ANKRD18B: variants seen among roughly 807,000 people sequenced by gnomAD.
The protein encoded by ANKRD18B is ankyrin repeat domain-containing protein 18B.
ANKRD18B carries 75 observed loss-of-function variants against 111.8 expected under a neutral mutation model. The ratio of observed to expected loss-of-function variants is 0.67; its 90% CI spans 0.56 to 0.81. The LOEUF is 0.81. Among genes scored for constraint, ANKRD18B ranks in the 40% least tolerant of loss-of-function variants. ANKRD18B has a pLI of 0.00. For synonymous variants in ANKRD18B, 356 were observed against 417.3 expected (o/e 0.85, Z 1.79); for missense variants, 1,038 against 1,225.5 (o/e 0.85, Z 2.28).
rs536666500 is a variant in ANKRD18B at position 33,557,948 on chromosome 9, T to C, written c.2331-110T>C. The stretch of plus-strand genomic sequence containing the variant: ...TGTTCAGTTGAAACTGAGAGGATCA[T>C]AGTTTATAGATTTGTTTCTTTGATA... On this transcript the variant is annotated intron_variant, in intron 13 of 18. Transcript: ENST00000684830. 100 of 1,010,546 alleles carry C rather than the reference T, an allele frequency of 9.9e-5. 1 individual carries two copies. The highest frequency in any genetic ancestry group is 1.1e-4 in the Non-Finnish European group (80 of 708,428). The allele number at this position is 1,010,546 out of a possible 1,614,324, so 62.6% of individuals were successfully genotyped here.
In ANKRD18B at chr9:33,524,426, G is replaced by C; in HGVS notation, c.-64G>C. The C allele has an allele frequency of 6.8e-7, 1 of 1,473,342 alleles. No homozygotes were observed. The highest frequency in any genetic ancestry group is 1.4e-5 in the South Asian group (1 of 71,488). 91.3% of individuals were successfully genotyped at this position (1,473,342 alleles called of 1,614,324 possible). A position where few individuals can be genotyped will look rare whatever the true frequency, so the allele number is the denominator to read the frequency against. On this transcript the variant is annotated 5_prime_UTR_variant, in exon 1 of 19. Transcript: ENST00000684830. ...CTCGAATTTGGAGCTGGGTGGGGGT[G>C]GAAAGGCCACGAGGAGCCGCGGCGT...
intron 12 of ANKRD18B, among the ~76,000 whole-genome samples, chr9:33,553,649 T>C (rs145163023): frequency 0.064 from 9,749 of 152,170 alleles, 382 homozygotes; most frequent in South Asian, 0.11. Flanking sequence ...CCCAATGACA[T>C]AGTTGAGTGT....
At position 33,528,772 on chromosome 9, in the gene ANKRD18B, C is replaced by A; in HGVS notation, c.252C>A (p.Val84=). ...GTGCCCATGGCCGTGTGCAAGTGGT[C>A]ACTCTCTTGCTGGACAGAAAATGCC... is the stretch of plus-strand genomic sequence containing the variant. ...LACAHGRVQV[V]TLLLDRKCQI... The change falls in exon 2 of 19, where the codon GTC becomes GTA. Residue 84 remains valine (V), a synonymous_variant. Coordinates refer to ENST00000684830, the MANE Select transcript of ANKRD18B (RefSeq NM_001393611.1). The A allele has an allele frequency of 2.5e-6, 4 of 1,613,374 alleles. No individual in the cohort carries two copies. The highest frequency in any genetic ancestry group is 8.5e-7 in the Non-Finnish European group (1 of 1,179,680).
At position 33,572,615 on chromosome 9, in the gene ANKRD18B, C is replaced by T. The variant is rs1340356917; in HGVS notation, c.*181C>T. On this transcript the variant is annotated 3_prime_UTR_variant, in exon 19 of 19. Transcript: ENST00000684830. Reference sequence around the variant, plus strand: ...GTTTTAAGTGGATCTTGCAAATGAACACCAGTGTTATTGAGTTTGACCTAC... The same window carrying T: ...GTTTTAAGTGGATCTTGCAAATGAATACCAGTGTTATTGAGTTTGACCTAC... The T allele has an allele frequency of 3.2e-6, 4 of 1,237,492 alleles. No homozygotes were observed. The highest frequency in any genetic ancestry group is 4.0e-6 in the Non-Finnish European group (4 of 987,702). 76.7% of individuals were successfully genotyped at this position (1,237,492 alleles called of 1,614,324 possible).
At chr9:33,547,310 T>C (rs1828371392) in intron 10 of ANKRD18B, among the ~76,000 whole-genome samples, 1 of 152,168 alleles carries the variant, frequency 6.6e-6, no homozygotes, top group South Asian at 2.1e-4. Context: ...TTAACCTGTC[T>C]TTTTTAAGGA....
At chr9:33,526,079 G>A (rs1031010914) in intron 1 of ANKRD18B, among the ~76,000 whole-genome samples, 1 of 152,158 alleles carries the variant, frequency 6.6e-6, no homozygotes, top group African/African-American at 2.4e-5. Context: ...AGAGGAATGA[G>A]ACTGTTTTCT....
intron 3 of ANKRD18B, among the ~76,000 whole-genome samples, chr9:33,532,665 A>G (rs1489324363): frequency 6.6e-6 from 1 of 152,192 alleles, no homozygotes; most frequent in Non-Finnish European, 1.5e-5. Flanking sequence ...TTCAGAGCTC[A>G]TTTCCTTAGT....
intron 17 of ANKRD18B, among the ~76,000 whole-genome samples, chr9:33,570,466 A>G (rs2118147792): frequency 6.6e-6 from 1 of 151,812 alleles, no homozygotes; most frequent in Non-Finnish European, 1.5e-5. Context: ...GAAAAAAAAA[A>G]AGAAAACTTT....
intron 17 of ANKRD18B, among the ~76,000 whole-genome samples, chr9:33,570,330 C>A (rs1828751260): frequency 6.6e-6 from 1 of 152,110 alleles, no homozygotes; most frequent in Non-Finnish European, 1.5e-5. Flanking sequence ...GGTTGAAAAA[C>A]TGCTTCTTGG....
chr9:33,527,926 T>C (rs1411912054), intron 1 of ANKRD18B, among the ~76,000 whole-genome samples: 1 of 152,198 alleles, frequency 6.6e-6, no homozygotes, highest in Non-Finnish European at 1.5e-5. Flanking sequence ...TGTGACCTAA[T>C]CTTTAAATCA....
intron 3 of ANKRD18B, among the ~76,000 whole-genome samples, chr9:33,529,638 T>G (rs947583426): frequency 2.0e-5 from 3 of 152,188 alleles, no homozygotes; most frequent in African/African-American, 7.2e-5. Context: ...ATCAAAAACA[T>G]GCAGGTCACT....
intron 12 of ANKRD18B, among the ~76,000 whole-genome samples, chr9:33,555,270 G>A (rs1197395970): frequency 2.6e-5 from 4 of 152,198 alleles, no homozygotes; most frequent in Non-Finnish European, 5.9e-5. Flanking sequence ...CCTGAAGGTA[G>A]ATGAGGATCA....
At chr9:33,565,145 C>T (rs1389279724) in intron 14 of ANKRD18B, among the ~76,000 whole-genome samples, 2 of 152,152 alleles carry the variant, frequency 1.3e-5, no homozygotes, top group African/African-American at 4.8e-5. Flanking sequence ...AGTTTGATAA[C>T]TTTGGGCCTT....
intron 5 of ANKRD18B, 147 bp downstream of exon 5, chr9:33,534,654 A>G (rs1321596468): frequency 1.8e-5 from 20 of 1,135,454 alleles, no homozygotes; most frequent in Non-Finnish European, 2.3e-5. Context: ...TTAGCCAGAA[A>G]TCACACAGAA....
chr9:33,543,638 C>A (rs1005351049), intron 10 of ANKRD18B, among the ~76,000 whole-genome samples: 1 of 152,122 alleles, frequency 6.6e-6, no homozygotes, highest in Non-Finnish European at 1.5e-5. Context: ...TCATCATTCC[C>A]GGTGGTTCAA....
chr9:33,540,713 C>G (rs1194636490), intron 8 of ANKRD18B, among the ~76,000 whole-genome samples: 2 of 152,062 alleles, frequency 1.3e-5, no homozygotes, highest in Non-Finnish European at 2.9e-5. Flanking sequence ...TGGTCTCTCT[C>G]TCTCTTTTTC....
At chr9:33,530,985 CT>C (rs561658030) in intron 3 of ANKRD18B, among the ~76,000 whole-genome samples, 4 of 150,976 alleles carry the variant, frequency 2.6e-5, no homozygotes, top group African/African-American at 7.3e-5. Context: ...AATCTTGAAC[CT>C]TTTTTTTTCA....
At chr9:33,530,830 G>C (rs1372052891) in intron 3 of ANKRD18B, among the ~76,000 whole-genome samples, 1 of 152,208 alleles carries the variant, frequency 6.6e-6, no homozygotes, top group Non-Finnish European at 1.5e-5. Flanking sequence ...CATTCAGAAA[G>C]TCTTTAGCAA....
At chr9:33,573,111 T>C, downstream of ANKRD18B, 4 of 1,219,670 alleles carry the variant, frequency 3.3e-6, no homozygotes, top group South Asian at 7.4e-5. Context: ...CTGTCAGCAC[T>C]TTTTTACTTT....
Sources: gnomAD v4.1 joint callset for allele counts (sites outside exome capture counted in the v4.1 genomes callset) on GRCh38, gnomAD v4.1.1 for gene constraint, MANE v1.5 for transcripts, NCBI Gene and HGNC (gene_info 2026-07-23, HGNC 2026-07-21) for gene names.